Variants in ABCA13 observed in about 807,000 individuals in gnomAD.
ABCA13 encodes ATP binding cassette subfamily A member 13.
ABCA13 carries 476 observed loss-of-function variants against 478.7 expected under a neutral mutation model. That is an observed-to-expected ratio of 0.99 (90% confidence interval 0.92 to 1.07). The LOEUF (loss-of-function observed/expected upper bound fraction) is 1.07, where lower values mean the gene tolerates loss of function less well. Among genes scored for constraint, ABCA13 ranks in the 50% least tolerant of loss-of-function variants. The pLI is 0.00. For missense variants in ABCA13, 6,060 were observed against 5,910.6 expected, an observed-to-expected ratio of 1.03 and a Z score of -0.83; for synonymous variants, 2,252 against 2,158.9, an observed-to-expected ratio of 1.04 and a Z score of -1.20.
At position 48,372,344 on chromosome 7, in the gene ABCA13, A is replaced by G. The variant is rs762551173; in HGVS notation, c.10980A>G (p.Ser3660=). 3 of 1,613,938 alleles carry G rather than the reference A, an allele frequency of 1.9e-6. No homozygotes were observed. The South Asian group carries it at 3.3e-5, about 18-fold the overall frequency. Residue 3660 remains serine (S), a synonymous_variant, in exon 33 of 62, where the codon TCA becomes TCG. Coordinates refer to ENST00000435803, the MANE Select transcript of ABCA13 (RefSeq NM_152701.5). The stretch of plus-strand genomic sequence containing the variant: ...TCTTTCTCTTGGATTTTGGGATGTC[A>G]GTCGTCATGCTGAGCTACCTCTTGA... The part of the protein sequence containing the change: ...VFLFLLDFGM[S]VVMLSYLLSA...
rs149045834 is a variant in ABCA13, at chr7:48,535,160, G to A, written c.14354+6815G>A. ...AGACTATGTCAGAGGGAAGATCTGG[G>A]ACTCTAGCTGCTGTTTAGATTCTTT... On this transcript the variant is annotated intron_variant, in intron 55 of 61. Coordinates refer to ENST00000435803, the MANE Select transcript of ABCA13 (RefSeq NM_152701.5). Among the ~76,000 whole-genome samples, 1,432 of 152,234 alleles carry A rather than the reference G, an allele frequency of 9.4e-3. 6 individuals are homozygous for A. The highest frequency in any genetic ancestry group is 0.016 in the Non-Finnish European group (1,097 of 68,016).
chr7:48,362,330 G>A (rs1192719111), intron 31 of ABCA13, among the ~76,000 whole-genome samples: 1 of 149,178 alleles, frequency 6.7e-6, no homozygotes, highest in Non-Finnish European at 1.5e-5. Flanking sequence ...TTAATGCTTT[G>A]TGGACATAAC....
At chr7:48,318,206 T>C (rs1461817352) in intron 27 of ABCA13, among the ~76,000 whole-genome samples, 2 of 152,240 alleles carry the variant, frequency 1.3e-5, no homozygotes, top group Non-Finnish European at 2.9e-5. Context: ...TTCTGACCCA[T>C]GGTTGCTGTG....
rs1334128180 is a variant in ABCA13, at chr7:48,276,408, G to T, written c.6742G>T (p.Glu2248Ter). ...CCTTATCTTGAACCATATGCAGTCA[G>T]AAACTAGTAGGAAAACAGTTCTCTC... ...INLILNHMQS[E>*]TSRKTVLSLR... The change falls in exon 17 of 62, where the codon GAA (glutamate) becomes TAA (stop). Residue 2248 changes from glutamate (E) to a stop codon, truncating the protein, a stop_gained. Coordinates refer to ENST00000435803, the MANE Select transcript of ABCA13 (RefSeq NM_152701.5). LOFTEE classifies it high-confidence loss of function. The T allele has an allele frequency of 6.4e-7, 1 of 1,560,240 alleles. No homozygotes were observed. Among genetic ancestry groups the T allele is most frequent in the South Asian group, 1.2e-5 (1 of 80,744 alleles).
chr7:48,383,648 C>A (rs112576242), intron 35 of ABCA13, among the ~76,000 whole-genome samples: 12 of 152,258 alleles, frequency 7.9e-5, no homozygotes, highest in African/African-American at 2.9e-4. Flanking sequence ...AGCTATAATA[C>A]ATCAGATGGA....
intron 59 of ABCA13, among the ~76,000 whole-genome samples, chr7:48,642,463 T>A (rs530605524): frequency 6.6e-6 from 1 of 152,330 alleles, no homozygotes; most frequent in Non-Finnish European, 1.5e-5. Context: ...AGGTACTAGG[T>A]ACTCATACTG....
chr7:48,296,391 G>A (rs751124323), intron 21 of ABCA13, among the ~76,000 whole-genome samples: 10 of 151,984 alleles, frequency 6.6e-5, no homozygotes, highest in African/African-American at 2.4e-4. Context: ...CAGATAAAGG[G>A]CCTGTCTCAT....
chr7:48,551,618 CT>C (rs11286722), intron 55 of ABCA13, among the ~76,000 whole-genome samples: 107,947 of 147,230 alleles, frequency 0.73, 40,858 homozygotes, highest in African/African-American at 0.91. Flanking sequence ...GTATTGCACT[CT>C]TTTTTTTTTT....
intron 42 of ABCA13, 30 bp from the exon 43 acceptor site, chr7:48,455,007 C>T: frequency 1.4e-6 from 2 of 1,471,866 alleles, no homozygotes; most frequent in East Asian, 2.5e-5. Context: ...AGAGCTGACC[C>T]AGCCGCCCTT....
chr7:48,466,124 G>A (rs971010416), intron 43 of ABCA13, among the ~76,000 whole-genome samples: 1 of 152,100 alleles, frequency 6.6e-6, no homozygotes, highest in Non-Finnish European at 1.5e-5. Context: ...TACTAATTTA[G>A]AATTTTAATT....
At chr7:48,454,456 G>A (rs1447139320) in intron 42 of ABCA13, among the ~76,000 whole-genome samples, 1 of 152,220 alleles carries the variant, frequency 6.6e-6, no homozygotes, top group Non-Finnish European at 1.5e-5. Context: ...CTTGTGGATC[G>A]CTCTGATAGC....
At chr7:48,603,206 C>A (rs554968006) in intron 58 of ABCA13, among the ~76,000 whole-genome samples, 1 of 152,082 alleles carries the variant, frequency 6.6e-6, no homozygotes, top group East Asian at 1.9e-4. Context: ...CTTTTCCTAA[C>A]TGAATATGCT....
chr7:48,630,867 T>C (rs890383850), intron 59 of ABCA13, among the ~76,000 whole-genome samples: 2 of 151,942 alleles, frequency 1.3e-5, no homozygotes, highest in African/African-American at 4.8e-5. Flanking sequence ...TGTGAAATAG[T>C]ATTTCACTGT....
chr7:48,596,617 A>G (rs1384467043), intron 58 of ABCA13, among the ~76,000 whole-genome samples: 2 of 151,960 alleles, frequency 1.3e-5, no homozygotes, highest in Admixed American at 6.6e-5. Flanking sequence ...AAGACCATGG[A>G]GAAACCACAT....
At chr7:48,542,295 G>A (rs1833994093) in intron 55 of ABCA13, among the ~76,000 whole-genome samples, 1 of 151,656 alleles carries the variant, frequency 6.6e-6, no homozygotes, top group Non-Finnish European at 1.5e-5. Flanking sequence ...ATACAAACAT[G>A]ACAAATACAA....
chr7:48,500,916 T>G (rs912229574), intron 48 of ABCA13, among the ~76,000 whole-genome samples: 1 of 152,172 alleles, frequency 6.6e-6, no homozygotes, highest in East Asian at 1.9e-4. Context: ...TATAGTACCC[T>G]CACCATGGTG....
chr7:48,592,545 T>C (rs1024740879), intron 57 of ABCA13, among the ~76,000 whole-genome samples: 5 of 151,952 alleles, frequency 3.3e-5, no homozygotes, highest in Non-Finnish European at 5.9e-5. Context: ...AGAATGTGTA[T>C]TCTGCTATTG....
In ABCA13 at chr7:48,278,547, T is replaced by C. The variant is rs1215932601; in HGVS notation, c.7353T>C (p.Ala2451=). 8 of 1,613,814 alleles carry C rather than the reference T, an allele frequency of 5.0e-6. No homozygotes were observed. Among genetic ancestry groups the C allele is most frequent in the Non-Finnish European group, 6.8e-6 (8 of 1,179,830 alleles). The part of the protein sequence containing the change: ...LYPTLQEVIL[A]NLTDLLFFIN... ...CTACCCTCCAAGAAGTTATACTTGC[T>C]AATCTAACGGATTTGCTTTTCTTTA... Residue 2451 remains alanine, a synonymous_variant, in exon 18 of 62, where the codon GCT becomes GCC. Coordinates refer to ENST00000435803, the MANE Select transcript of ABCA13 (RefSeq NM_152701.5).
At chr7:48,319,374 A>G (rs1803076139) in intron 27 of ABCA13, among the ~76,000 whole-genome samples, 1 of 152,150 alleles carries the variant, frequency 6.6e-6, no homozygotes, top group African/African-American at 2.4e-5. Context: ...ATTTTATGGC[A>G]TTGTACCTGG....
Sources: gnomAD v4.1 joint callset for allele counts (sites outside exome capture counted in the v4.1 genomes callset) on GRCh38, gnomAD v4.1.1 for gene constraint, MANE v1.5 for transcripts, NCBI Gene and HGNC (gene_info 2026-07-23, HGNC 2026-07-21) for gene names.